The following ITGA8 variants were observed in gnomAD, a reference collection of about 807,000 sequenced individuals.
ITGA8 encodes integrin alpha-8.
In ITGA8, 91 loss-of-function variants were observed where a neutral mutation model predicts 142.3. The observed-to-expected ratio is 0.64, with a 90% CI of 0.54 to 0.76. The LOEUF (loss-of-function observed/expected upper bound fraction) is 0.76. ITGA8 is among the 30% of genes least tolerant of loss of function. The pLI is 0.00. For missense variants in ITGA8, 1,406 were observed against 1,327.7 expected (o/e 1.06, Z -0.92); for synonymous variants, 505 against 485.2 (o/e 1.04, Z -0.54).
Position 15,665,201 on chromosome 10 carries a change from C to T in ITGA8, c.848-4279G>A, listed in dbSNP as rs1014631813. On this transcript the variant is annotated intron_variant, in intron 8 of 29. Coordinates refer to ENST00000378076, the MANE Select transcript of ITGA8 (RefSeq NM_003638.3). ...TGTTGTTTCCTGACTTGTTAATGAT[C>T]GCCATTCTAACTATTGTGAGATGGT... 7.9e-5 allele frequency among the ~76,000 whole-genome samples: 12 copies of T among 152,214 alleles called. No homozygotes were observed. The South Asian group carries it at 1.0e-3, about 13-fold the overall frequency.
Position 15,671,799 on chromosome 10 carries a change from A to G in ITGA8, c.803-152T>C. 3 of 594,178 alleles carry G rather than the reference A, an allele frequency of 5.0e-6. No homozygotes were observed. The East Asian group carries it at 8.9e-5, about 18-fold the overall frequency. 36.8% of individuals were successfully genotyped at this position (594,178 alleles called of 1,614,324 possible). ...AGTTAAAGATTCTATAAAGGGAAAA[A>G]TTAATCACACCAAAAGGAACACTTT... is the stretch of plus-strand genomic sequence containing the variant. On this transcript the variant is annotated intron_variant, in intron 7 of 29. Transcript: ENST00000378076.
intron 8 of ITGA8, among the ~76,000 whole-genome samples, chr10:15,669,634 C>A (rs1834470189): frequency 6.6e-6 from 1 of 152,090 alleles, no homozygotes; most frequent in African/African-American, 2.4e-5. Flanking sequence ...TTTTTCCCAT[C>A]TTTGTGGTTT....
rs960439105 is a variant in ITGA8, at chr10:15,548,566, A to G, written c.2769T>C (p.Asn923=). 14 of 1,606,126 alleles carry G rather than the reference A, an allele frequency of 8.7e-6. No homozygotes were observed. The highest frequency in any genetic ancestry group is 5.4e-5 in the African/African-American group (4 of 74,536). ...TTTGTAAACACTCGATATTTGTACA[A>G]TTCTGCAAACAGCAGTGGGAACACG... ...FHRQSPAKIL[N]CTNIECLQIS... The change falls in exon 27 of 30, where the codon AAT becomes AAC. Residue 923 remains asparagine, a splice_region_variant and synonymous_variant. Transcript: ENST00000378076.
chr10:15,661,205 C>T (rs1003456140), intron 8 of ITGA8, among the ~76,000 whole-genome samples: 4 of 152,172 alleles, frequency 2.6e-5, no homozygotes, highest in African/African-American at 9.7e-5. Context: ...AGCACTGCCT[C>T]CTGTCTGATC....
intron 20 of ITGA8, among the ~76,000 whole-genome samples, chr10:15,601,110 G>T (rs951284164): frequency 6.6e-6 from 1 of 151,870 alleles, no homozygotes; most frequent in Admixed American, 6.6e-5. Flanking sequence ...GTGGTGGTGG[G>T]CGCCTGTAAT....
At chr10:15,576,234 T>G (rs1469374300) in intron 23 of ITGA8, among the ~76,000 whole-genome samples, 1 of 152,154 alleles carries the variant, frequency 6.6e-6, no homozygotes, top group African/African-American at 2.4e-5. Flanking sequence ...AGTGGTCTTA[T>G]AGATATCTCA....
In ITGA8 at chr10:15,559,644, A is replaced by T. The variant is rs147477912; in HGVS notation, c.2638-1442T>A. On this transcript the variant is annotated intron_variant, in intron 25 of 29. Transcript: ENST00000378076. Reference sequence around the variant, plus strand: ...AAGGGTGAAGACCTTTATGCACTGAACTTGGCAATTTTGTCATGTCCTTTG... The same window carrying T: ...AAGGGTGAAGACCTTTATGCACTGATCTTGGCAATTTTGTCATGTCCTTTG... Among the ~76,000 whole-genome samples, 783 of 152,316 alleles carry T rather than the reference A, an allele frequency of 5.1e-3. 16 individuals carry two copies. Among genetic ancestry groups the T allele is most frequent in the Admixed American group, 0.045 (691 of 15,300 alleles).
chr10:15,620,311 ACACAC>A (rs1833465825), intron 13 of ITGA8, among the ~76,000 whole-genome samples: 1 of 18,350 alleles, frequency 5.4e-5, no homozygotes, highest in Non-Finnish European at 2.6e-4. Flanking sequence ...GTTGAGATAC[ACACAC>A]ACACACACAC....
At chr10:15,631,050 C>A (rs1245721760) in intron 13 of ITGA8, among the ~76,000 whole-genome samples, 1 of 151,702 alleles carries the variant, frequency 6.6e-6, no homozygotes, top group African/African-American at 2.4e-5. Flanking sequence ...TATTTAAGTT[C>A]CTTATAGATT....
At chr10:15,612,338 G>T (rs1170562172) in intron 15 of ITGA8, among the ~76,000 whole-genome samples, 1 of 152,096 alleles carries the variant, frequency 6.6e-6, no homozygotes, top group African/African-American at 2.4e-5. Flanking sequence ...GTTAAAATTG[G>T]CTGGAAATAA....
chr10:15,651,876 A>G (rs1292270488), intron 11 of ITGA8, among the ~76,000 whole-genome samples: 1 of 152,190 alleles, frequency 6.6e-6, no homozygotes, highest in African/African-American at 2.4e-5. Context: ...CTTCCAGAGC[A>G]TAGTTATATA....
Position 15,644,096 on chromosome 10 carries a change from C to T in ITGA8, c.1333G>A (p.Ala445Thr). 5.0e-6 allele frequency: 8 copies of T among 1,614,084 alleles called. No individual in the cohort carries two copies. Among genetic ancestry groups the T allele is most frequent in the Non-Finnish European group, 6.8e-6 (8 of 1,179,994 alleles). Reference sequence around the variant, plus strand: ...GTAAAGCCAAATCCGGAAGGGACAGCATGTGAGGCCCACACTCCTTGCAGA... The same window carrying T: ...GTAAAGCCAAATCCGGAAGGGACAGTATGTGAGGCCCACACTCCTTGCAGA... ...QVLQGVWASH[A>T]VPSGFGFTLR... Residue 445 changes from alanine (A) to threonine (T), a missense_variant, in exon 13 of 30, where the codon GCT (alanine) becomes ACT (threonine). Coordinates refer to ENST00000378076, the MANE Select transcript of ITGA8 (RefSeq NM_003638.3).
intron 8 of ITGA8, among the ~76,000 whole-genome samples, chr10:15,664,747 A>G (rs12413313): frequency 0.1 from 14,610 of 142,334 alleles, 897 homozygotes; most frequent in East Asian, 0.3. Flanking sequence ...ATTCCCACCT[A>G]TGAGTGAGAA....
intron 5 of ITGA8, 131 bp downstream of exon 5, chr10:15,678,591 A>T: frequency 1.8e-6 from 1 of 562,684 alleles, no homozygotes; most frequent in Non-Finnish European, 3.2e-6. Context: ...TTGCCCAAAC[A>T]GGCTAGGTAT....
intron 27 of ITGA8, among the ~76,000 whole-genome samples, chr10:15,544,754 T>C (rs911485805): frequency 1.3e-5 from 2 of 152,152 alleles, no homozygotes; most frequent in African/African-American, 2.4e-5. Flanking sequence ...ATGACTGATA[T>C]GTGCAAATGA....
At position 15,704,011 on chromosome 10, in the gene ITGA8, G is replaced by C. The variant is rs114868208; in HGVS notation, c.343+14755C>G. ...TGTGAGATCAGAGGATGTCTGTCTT[G>C]CTCACTATTTTTACCTAATATAATG... is the stretch of plus-strand genomic sequence containing the variant. On this transcript the variant is annotated intron_variant, in intron 2 of 29. Transcript: ENST00000378076. Among the ~76,000 whole-genome samples, 858 of 152,274 alleles carry C rather than the reference G, an allele frequency of 5.6e-3. 3 individuals are homozygous for C. Among genetic ancestry groups the C allele is most frequent in the African/African-American group, 0.02 (821 of 41,560 alleles).
chr10:15,557,680 G>C (rs1373393506), intron 26 of ITGA8, among the ~76,000 whole-genome samples: 1 of 152,164 alleles, frequency 6.6e-6, no homozygotes, highest in Admixed American at 6.5e-5. Flanking sequence ...GCCTCTTCCA[G>C]ATAAGCAGAA....
Position 15,719,730 on chromosome 10 carries a change from C to T in ITGA8, c.42G>A (p.Ala14=), listed in dbSNP as rs899599980. Residue 14 remains alanine, a synonymous_variant, in exon 1 of 30, where the codon GCG becomes GCA. Transcript: ENST00000378076. ...CGCAGCAGAGGGGCGCGATCAGCGG[C>T]GCCTGGCTTCCCCGGGGACCGCGGC... is the stretch of plus-strand genomic sequence containing the variant. The part of the protein sequence containing the change: ...GASRGPRGSQ[A]PLIAPLCCAA... 9 of 1,378,074 alleles carry T rather than the reference C, an allele frequency of 6.5e-6. No individual in the cohort carries two copies. Among genetic ancestry groups the T allele is most frequent in the African/African-American group, 6.1e-5 (4 of 65,586 alleles). 85.4% of individuals were successfully genotyped at this position (1,378,074 alleles called of 1,614,324 possible). A position where few individuals can be genotyped will look rare whatever the true frequency, so the allele number is the denominator to read the frequency against.
intron 2 of ITGA8, among the ~76,000 whole-genome samples, chr10:15,698,107 T>A (rs1361631971): frequency 6.6e-6 from 1 of 152,196 alleles, no homozygotes; most frequent in African/African-American, 2.4e-5. Flanking sequence ...GTCATTCTTA[T>A]GCCTTTGCAT....
Sources: allele counts gnomAD v4.1 joint callset (sites outside exome capture counted in the v4.1 genomes callset), GRCh38; gene constraint gnomAD v4.1.1; transcripts MANE v1.5; gene names NCBI Gene and HGNC (gene_info 2026-07-23, HGNC 2026-07-21).